Variants in CDK14 observed in about 807,000 individuals in gnomAD.
CDK14 encodes cyclin-dependent kinase 14.
A neutral mutation model predicts 60.7 loss-of-function variants in CDK14; 34 were observed. That is an observed-to-expected ratio of 0.56 (90% CI 0.43 to 0.75). The LOEUF (loss-of-function observed/expected upper bound fraction) is 0.75. CDK14 is among the 30% of genes least tolerant of loss of function. The probability of loss-of-function intolerance (pLI) is 0.00; values close to 1 mark genes in which losing one functional copy is unlikely to be tolerated. For missense variants in CDK14, 482 were observed against 564.1 expected (o/e 0.85, Z 1.47); for synonymous variants, 197 against 203.7 (o/e 0.97, Z 0.28).
At chr7:90,649,639 A>G (rs1411427987) in intron 2 of CDK14, among the ~76,000 whole-genome samples, 1 of 151,206 alleles carries the variant, frequency 6.6e-6, no homozygotes, top group African/African-American at 2.4e-5. Context: ...TGCCCTGGCG[A>G]GTGATGTTCC....
intron 10 of CDK14, among the ~76,000 whole-genome samples, chr7:91,034,288 G>A (rs1317014976): frequency 6.6e-6 from 1 of 152,160 alleles, no homozygotes; most frequent in Non-Finnish European, 1.5e-5. Flanking sequence ...AGAAAATTCT[G>A]CATATCTTGC....
intron 6 of CDK14, among the ~76,000 whole-genome samples, chr7:90,884,553 C>T (rs1791879591): frequency 6.6e-6 from 1 of 152,124 alleles, no homozygotes; most frequent in Admixed American, 6.6e-5. Flanking sequence ...CAATCTACCA[C>T]TGACATTCTT....
At chr7:90,949,646 C>A (rs1562841342) in intron 8 of CDK14, among the ~76,000 whole-genome samples, 1 of 152,036 alleles carries the variant, frequency 6.6e-6, no homozygotes, top group Non-Finnish European at 1.5e-5. Flanking sequence ...GACTTAATTC[C>A]TTTTTATTTA....
intron 14 of CDK14, among the ~76,000 whole-genome samples, chr7:91,206,071 G>A (rs1173743422): frequency 1.3e-5 from 2 of 152,170 alleles, no homozygotes; most frequent in African/African-American, 4.8e-5. Flanking sequence ...TGGGATTACA[G>A]GCATGAGCCA....
chr7:90,795,503 A>G (rs1046721033), intron 5 of CDK14, among the ~76,000 whole-genome samples: 6 of 151,206 alleles, frequency 4.0e-5, no homozygotes, highest in Non-Finnish European at 8.8e-5. Context: ...AATATTTGAA[A>G]TTATGTATGT....
At chr7:90,913,558 T>C (rs1792978065) in intron 7 of CDK14, among the ~76,000 whole-genome samples, 1 of 152,206 alleles carries the variant, frequency 6.6e-6, no homozygotes, top group Non-Finnish European at 1.5e-5. Context: ...TATATTCTTA[T>C]TAGGAGAAAG....
At chr7:91,006,706 A>G (rs1201039200) in intron 10 of CDK14, among the ~76,000 whole-genome samples, 2 of 152,324 alleles carry the variant, frequency 1.3e-5, no homozygotes, top group Middle Eastern at 3.4e-3. Flanking sequence ...TTTCACTTAT[A>G]TATTTTCTTT....
intron 10 of CDK14, among the ~76,000 whole-genome samples, chr7:91,011,142 A>G (rs936126945): frequency 2.6e-5 from 4 of 151,780 alleles, no homozygotes; most frequent in African/African-American, 7.3e-5. Flanking sequence ...TTTCTTGTCT[A>G]CTGAGATTAT....
chr7:91,101,583 TA>T (rs926194453), intron 12 of CDK14, among the ~76,000 whole-genome samples: 5 of 152,198 alleles, frequency 3.3e-5, no homozygotes, highest in African/African-American at 9.7e-5. Context: ...GGAATCTCAT[TA>T]TTTTTTTTAC....
At chr7:91,125,254 CTG>C (rs970114490) in intron 14 of CDK14, among the ~76,000 whole-genome samples, 3 of 152,110 alleles carry the variant, frequency 2.0e-5, no homozygotes, top group African/African-American at 7.2e-5. Flanking sequence ...GGGCTAGACA[CTG>C]GGGCCTGGGG....
chr7:90,841,085 A>G (rs1279466485), intron 5 of CDK14, among the ~76,000 whole-genome samples: 1 of 152,158 alleles, frequency 6.6e-6, no homozygotes, highest in Non-Finnish European at 1.5e-5. Flanking sequence ...TTTTTGCTTT[A>G]TACCTTTAGA....
chr7:90,892,234 C>A (rs1792156371), intron 6 of CDK14, among the ~76,000 whole-genome samples: 1 of 150,538 alleles, frequency 6.6e-6, no homozygotes, highest in Admixed American at 6.7e-5. Context: ...GTGTTGTTTT[C>A]TAGCTTGTTT....
At position 91,079,336 on chromosome 7, in the gene CDK14, A is replaced by G. The variant is rs536969461; in HGVS notation, c.1106-96A>G. The stretch of plus-strand genomic sequence containing the variant: ...ACTATGCTGGCCTAACTGACTGAGT[A>G]GCCCACTCTTTTTTTAAAGTTGAAG... On this transcript the variant is annotated intron_variant, in intron 11 of 14. Transcript: ENST00000380050. The G allele has an allele frequency of 1.6e-5, 12 of 745,544 alleles. No homozygotes were observed. In the East Asian group the frequency reaches 2.9e-4, roughly 18 times the overall value. 46.2% of individuals were successfully genotyped at this position (745,544 alleles called of 1,614,324 possible). A position where few individuals can be genotyped will look rare whatever the true frequency, so the allele number is the denominator to read the frequency against.
intron 4 of CDK14, among the ~76,000 whole-genome samples, chr7:90,770,407 A>T (rs1804738593): frequency 6.6e-6 from 1 of 152,214 alleles, no homozygotes; most frequent in Non-Finnish European, 1.5e-5. Flanking sequence ...AAACTCAGTT[A>T]ATTGACCTTT....
At chr7:91,054,988 C>A (rs1035743624) in intron 11 of CDK14, among the ~76,000 whole-genome samples, 4 of 152,108 alleles carry the variant, frequency 2.6e-5, no homozygotes, top group African/African-American at 9.7e-5. Context: ...CAAAAAGTCA[C>A]GGACTCATTT....
intron 10 of CDK14, among the ~76,000 whole-genome samples, chr7:90,991,336 G>A (rs1795527281): frequency 6.6e-6 from 1 of 152,114 alleles, no homozygotes. Flanking sequence ...CATCGTATTA[G>A]TTCTTGAATC....
chr7:90,704,311 T>C (rs1801849807), intron 2 of CDK14, among the ~76,000 whole-genome samples: 1 of 152,200 alleles, frequency 6.6e-6, no homozygotes, highest in Non-Finnish European at 1.5e-5. Context: ...TAACAAAACA[T>C]TTTTTCACCT....
intron 14 of CDK14, among the ~76,000 whole-genome samples, chr7:91,168,066 AC>A (rs1198594659): frequency 1.3e-5 from 2 of 152,066 alleles, no homozygotes; most frequent in African/African-American, 4.8e-5. Context: ...GATCGAGACC[AC>A]CCTGGCCAAC....
intron 6 of CDK14, among the ~76,000 whole-genome samples, chr7:90,873,638 TAGATTA>T (rs1791451156): frequency 6.6e-6 from 1 of 152,208 alleles, no homozygotes; most frequent in South Asian, 2.1e-4. Flanking sequence ...TGTATGTATT[TAGATTA>T]AGTCAATTAG....
Sources: gnomAD v4.1 joint callset for allele counts (sites outside exome capture counted in the v4.1 genomes callset) on GRCh38, gnomAD v4.1.1 for gene constraint, MANE v1.5 for transcripts, NCBI Gene and HGNC (gene_info 2026-07-23, HGNC 2026-07-21) for gene names.